The following NCALD variants were observed in gnomAD, a reference collection of about 807,000 sequenced individuals.
NCALD encodes the protein neurocalcin-delta.
In NCALD, 10 loss-of-function variants were observed where a neutral mutation model predicts 18.6. The ratio of observed to expected loss-of-function variants is 0.54; its 90% confidence interval spans 0.33 to 0.91. The LOEUF (loss-of-function observed/expected upper bound fraction) is 0.91. Among genes scored for constraint, NCALD ranks in the 40% least tolerant of loss-of-function variants. The pLI, the probability that NCALD is intolerant of heterozygous loss-of-function variation, is 0.03. For synonymous variants in NCALD, 88 were observed against 87.4 expected, an observed-to-expected ratio of 1.01 and a Z score of -0.04; for missense variants, 184 against 247.6, an observed-to-expected ratio of 0.74 and a Z score of 1.72.
rs574160126 is a variant in NCALD, at chr8:101,993,176, A to T, written c.-157+27061T>A. On this transcript the variant is annotated intron_variant, in intron 2 of 6. Coordinates refer to the NCALD transcript ENST00000311028. The stretch of plus-strand genomic sequence containing the variant: ...AAAAAAAAAAAGATGGTAACAAACC[A>T]TTCCTTCTATTTCCAGAATGTGTAG... Among the ~76,000 whole-genome samples the T allele has an allele frequency of 1.4e-3, 219 of 151,398 alleles. 1 individual carries two copies. Among genetic ancestry groups the T allele is most frequent in the African/African-American group, 5.0e-3 (206 of 41,176 alleles).
At chr8:102,039,444 G>A (rs1341865439) in intron 1 of NCALD, among the ~76,000 whole-genome samples, 2 of 152,154 alleles carry the variant, frequency 1.3e-5, no homozygotes, top group Non-Finnish European at 2.9e-5. Flanking sequence ...GAGCCTAAGA[G>A]AGAGCAATCA....
intron 1 of NCALD, among the ~76,000 whole-genome samples, chr8:101,759,362 G>A (rs1021022384): frequency 1.3e-5 from 2 of 152,158 alleles, no homozygotes; most frequent in African/African-American, 4.8e-5. Flanking sequence ...GAGAGGGAGA[G>A]GGGGAAAAGG....
intron 2 of NCALD, among the ~76,000 whole-genome samples, chr8:101,701,223 A>G (rs1204441259): frequency 6.6e-6 from 1 of 152,138 alleles, no homozygotes; most frequent in Non-Finnish European, 1.5e-5. Context: ...TGCATAGCAC[A>G]GAGGAGAAAA....
intron 2 of NCALD, among the ~76,000 whole-genome samples, chr8:102,014,429 G>C (rs878924609): frequency 6.6e-6 from 1 of 152,066 alleles, no homozygotes; most frequent in South Asian, 2.1e-4. Flanking sequence ...CTCTTTGGGG[G>C]TTGGGTTTCA....
intron 1 of NCALD, among the ~76,000 whole-genome samples, chr8:101,747,080 G>A (rs1810456727): frequency 6.6e-6 from 1 of 152,176 alleles, no homozygotes; most frequent in Admixed American, 6.5e-5. Context: ...ATGAAACCCA[G>A]TTTAGACACC....
At chr8:101,711,786 TA>T (rs1272166804) in intron 2 of NCALD, among the ~76,000 whole-genome samples, 6 of 151,932 alleles carry the variant, frequency 3.9e-5, no homozygotes, top group Non-Finnish European at 8.8e-5. Flanking sequence ...AGACCAAACT[TA>T]ACGTTTGATT....
chr8:101,918,241 A>G (rs1818039105), intron 2 of NCALD, among the ~76,000 whole-genome samples: 1 of 152,168 alleles, frequency 6.6e-6, no homozygotes, highest in African/African-American at 2.4e-5. Context: ...CCATATGATC[A>G]TCTTGATAAA....
At chr8:101,870,860 A>T (rs547773393) in intron 4 of NCALD, among the ~76,000 whole-genome samples, 13 of 151,410 alleles carry the variant, frequency 8.6e-5, no homozygotes, top group Non-Finnish European at 1.8e-4. Context: ...AAAAGGTTCA[A>T]AAAGGGTTCA....
intron 2 of NCALD, among the ~76,000 whole-genome samples, chr8:101,963,042 C>T (rs1819893147): frequency 6.6e-6 from 1 of 152,148 alleles, no homozygotes; most frequent in Non-Finnish European, 1.5e-5. Context: ...GGTGTAAATA[C>T]TTCTTCACAG....
chr8:102,079,918 C>T (rs1188378869), intron 1 of NCALD, among the ~76,000 whole-genome samples: 1 of 152,102 alleles, frequency 6.6e-6, no homozygotes, highest in Non-Finnish European at 1.5e-5. Flanking sequence ...CAAATTTGCC[C>T]AAATATTATA....
intron 2 of NCALD, among the ~76,000 whole-genome samples, chr8:101,978,492 G>A (rs1236304147): frequency 6.6e-6 from 1 of 152,206 alleles, no homozygotes; most frequent in East Asian, 1.9e-4. Context: ...TGAGGAAACT[G>A]AAGCACTAAG....
chr8:101,746,128 T>C (rs528360723), intron 1 of NCALD: 4 of 152,314 alleles, frequency 2.6e-5, no homozygotes, highest in African/African-American at 9.6e-5. Context: ...TTAAAAAATA[T>C]AGGCTTGGGG....
chr8:101,871,949 A>G lies in NCALD; in HGVS notation c.-20+15192T>C, dbSNP rs1816038358. The G allele has an allele frequency of 9.4e-6, 7 of 743,400 alleles. No individual in the cohort carries two copies. The East Asian group carries it at 1.7e-4, about 18-fold the overall frequency. 46.1% of individuals were successfully genotyped at this position (743,400 alleles called of 1,614,324 possible). On this transcript the variant is annotated intron_variant, in intron 4 of 6. Coordinates refer to the NCALD transcript ENST00000311028. ...TCCAAGTCCGTCTTAACTGCTCTAG[A>G]TTCAGACAGTTTCCACCCCAACTCA...
At chr8:102,112,355 CA>C (rs1450664251) in intron 1 of NCALD, among the ~76,000 whole-genome samples, 1 of 152,138 alleles carries the variant, frequency 6.6e-6, no homozygotes, top group African/African-American at 2.4e-5. Context: ...ATACTAAGAC[CA>C]AAACCGGATT....
chr8:101,762,399 T>C (rs924655904), intron 1 of NCALD, among the ~76,000 whole-genome samples: 8 of 152,208 alleles, frequency 5.3e-5, no homozygotes. Context: ...TGGCTTGGCT[T>C]AAGAGACTTA....
intron 4 of NCALD, among the ~76,000 whole-genome samples, chr8:101,882,776 G>A (rs1816536675): frequency 6.6e-6 from 1 of 152,204 alleles, no homozygotes; most frequent in African/African-American, 2.4e-5. Context: ...ACTGATGTCA[G>A]TAATACTCTC....
chr8:101,698,433 T>A (rs529028135), intron 2 of NCALD, among the ~76,000 whole-genome samples: 12 of 152,042 alleles, frequency 7.9e-5, no homozygotes, highest in African/African-American at 2.2e-4. Flanking sequence ...GAAAAAAAAA[T>A]TTAATTTCAT....
At chr8:101,889,492 A>G (rs888973438) in intron 3 of NCALD, among the ~76,000 whole-genome samples, 7 of 152,236 alleles carry the variant, frequency 4.6e-5, no homozygotes, top group African/African-American at 1.7e-4. Context: ...TACTCTGAAT[A>G]CTATACAAAC....
At chr8:102,060,230 CT>C in intron 1 of NCALD, among the ~76,000 whole-genome samples, 1 of 78,012 alleles carries the variant, frequency 1.3e-5, no homozygotes, top group Admixed American at 1.1e-4. Flanking sequence ...ATCTGCCCGC[CT>C]TGGCCTCCCA....
Sources: gnomAD v4.1 joint callset for allele counts (sites outside exome capture counted in the v4.1 genomes callset) on GRCh38, gnomAD v4.1.1 for gene constraint, MANE v1.5 for transcripts, NCBI Gene and HGNC (gene_info 2026-07-23, HGNC 2026-07-21) for gene names.